CRIM1: variants seen among roughly 807,000 people sequenced by gnomAD.
The protein encoded by CRIM1 is cysteine-rich motor neuron 1 protein.
A neutral mutation model predicts 116.4 loss-of-function variants in CRIM1; 32 were observed. The observed-to-expected ratio is 0.27, with a 90% CI of 0.21 to 0.37. CRIM1 has a LOEUF of 0.37. CRIM1 is among the 10% of genes least tolerant of loss of function. CRIM1 has a pLI of 1.00. For synonymous variants in CRIM1, 590 were observed against 509.2 expected (o/e 1.16, Z -2.13); for missense variants, 1,331 against 1,354.8 (o/e 0.98, Z 0.28).
intron 4 of CRIM1, among the ~76,000 whole-genome samples, chr2:36,449,493 A>G (rs1481648685): frequency 1.3e-5 from 2 of 152,092 alleles, no homozygotes; most frequent in East Asian, 3.9e-4. Context: ...TCTGCACATC[A>G]CCTGGTGCTG....
intron 8 of CRIM1, among the ~76,000 whole-genome samples, chr2:36,506,271 T>C (rs1181290460): frequency 6.6e-6 from 1 of 151,752 alleles, no homozygotes; most frequent in Non-Finnish European, 1.5e-5. Flanking sequence ...ATCTTTGGGA[T>C]GTGAGAGTAC....
In CRIM1 at chr2:36,428,685, G is replaced by A. The variant is rs766437451; in HGVS notation, c.506-12573G>A. 3.9e-5 allele frequency among the ~76,000 whole-genome samples: 6 copies of A among 152,304 alleles called. No individual in the cohort carries two copies. In the South Asian group the frequency reaches 1.2e-3, roughly 32 times the overall value. The stretch of plus-strand genomic sequence containing the variant: ...ATCTTCTATCTTGTAACAAATAGAT[G>A]TAGAGCTTTGGTAAGAAGTACACAT... On this transcript the variant is annotated intron_variant, in intron 2 of 16. Coordinates refer to ENST00000280527, the MANE Select transcript of CRIM1 (RefSeq NM_016441.3).
chr2:36,357,471 G>A (rs1206019868), intron 1 of CRIM1, among the ~76,000 whole-genome samples: 1 of 151,986 alleles, frequency 6.6e-6, no homozygotes, highest in African/African-American at 2.4e-5. Context: ...ATTGACGGTG[G>A]GAGAAACAGA....
intron 2 of CRIM1, among the ~76,000 whole-genome samples, chr2:36,439,660 C>T (rs150294120): frequency 6.6e-6 from 1 of 152,244 alleles, no homozygotes; most frequent in East Asian, 1.9e-4. Context: ...CTCGTCCCCT[C>T]ACTCCTTCAA....
chr2:36,531,409 T>G lies in CRIM1; in HGVS notation c.2429-5943T>G, dbSNP rs562661459. Among the ~76,000 whole-genome samples, 19 of 151,974 alleles carry G rather than the reference T, an allele frequency of 1.3e-4. No individual in the cohort carries two copies. In the East Asian group the frequency reaches 2.3e-3, roughly 19 times the overall value. On this transcript the variant is annotated intron_variant, in intron 13 of 16. Transcript: ENST00000280527. ...TTTTTGGTTTTTGGTTTTTTGTTTTTTTTTTTTTCCAGAGGCTCATGTATA... is the reference window on the plus strand; with the variant it reads ...TTTTTGGTTTTTGGTTTTTTGTTTTGTTTTTTTTCCAGAGGCTCATGTATA...
At chr2:36,482,492 A>G (rs116251429) in intron 7 of CRIM1, among the ~76,000 whole-genome samples, 277 of 152,350 alleles carry the variant, frequency 1.8e-3, no homozygotes, top group Middle Eastern at 6.8e-3. Flanking sequence ...GGATCATTTG[A>G]AGACATTTTT....
chr2:36,471,598 T>A (rs185312584), intron 5 of CRIM1, among the ~76,000 whole-genome samples: 2 of 152,310 alleles, frequency 1.3e-5, no homozygotes, highest in Admixed American at 6.5e-5. Flanking sequence ...GACATAATGC[T>A]ATTGTATACT....
At chr2:36,468,046 G>A (rs1678187505) in intron 5 of CRIM1, among the ~76,000 whole-genome samples, 1 of 152,192 alleles carries the variant, frequency 6.6e-6, no homozygotes, top group African/African-American at 2.4e-5. Context: ...GATTGACACA[G>A]CTAGACCGTA....
chr2:36,528,120 A>T (rs1430395209), intron 13 of CRIM1, among the ~76,000 whole-genome samples: 1 of 152,238 alleles, frequency 6.6e-6, no homozygotes, highest in African/African-American at 2.4e-5. Flanking sequence ...GTGTATATTG[A>T]TTCAGTAGAA....
intron 4 of CRIM1, among the ~76,000 whole-genome samples, chr2:36,449,021 AT>A (rs1328307104): frequency 1.4e-5 from 2 of 143,522 alleles, no homozygotes; most frequent in East Asian, 2.0e-4. Flanking sequence ...CTTCAGAAGT[AT>A]TTTTTTGACT....
intron 7 of CRIM1, among the ~76,000 whole-genome samples, chr2:36,496,778 G>A (rs930996346): frequency 6.6e-6 from 1 of 152,190 alleles, no homozygotes; most frequent in African/African-American, 2.4e-5. Flanking sequence ...TGGCTTCTGT[G>A]ACTGATACGG....
rs113045844 is a variant in CRIM1, at chr2:36,393,063, G to A, written c.332-3551G>A. On this transcript the variant is annotated intron_variant, in intron 1 of 16. Coordinates refer to ENST00000280527, the MANE Select transcript of CRIM1 (RefSeq NM_016441.3). ...TTTTAGCTGTGATTCCAGATTTGAG[G>A]GAAATGGTCTTCCTGTGGGGAGGCA... Among the ~76,000 whole-genome samples, 1,287 of 152,326 alleles carry A rather than the reference G, an allele frequency of 8.4e-3. 15 individuals carry two copies. Among genetic ancestry groups the A allele is most frequent in the African/African-American group, 0.03 (1,232 of 41,566 alleles).
At chr2:36,530,036 T>A (rs1004320120) in intron 13 of CRIM1, among the ~76,000 whole-genome samples, 8 of 151,970 alleles carry the variant, frequency 5.3e-5, no homozygotes, top group African/African-American at 1.9e-4. Flanking sequence ...AAGATCAGAT[T>A]TTTTTTTATT....
intron 9 of CRIM1, among the ~76,000 whole-genome samples, 193 bp downstream of exon 9, chr2:36,510,332 C>G (rs1216548329): frequency 1.3e-5 from 2 of 152,092 alleles, no homozygotes; most frequent in African/African-American, 4.8e-5. Flanking sequence ...TCAAGTTTTA[C>G]TTTTACTTTT....
In CRIM1 at chr2:36,394,452, T is replaced by C. The variant is rs185141950; in HGVS notation, c.332-2162T>C. Among the ~76,000 whole-genome samples the C allele has an allele frequency of 2.3e-4, 34 of 147,980 alleles. No homozygotes were observed. In the East Asian group the frequency reaches 4.2e-3, roughly 18 times the overall value. On this transcript the variant is annotated intron_variant, in intron 1 of 16. Coordinates refer to ENST00000280527, the MANE Select transcript of CRIM1 (RefSeq NM_016441.3). Reference sequence around the variant, plus strand: ...TTATAACTGAAGACAAATATCACCTTCTTTTCTATGTTGAATTTTTTCAAT... The same window carrying C: ...TTATAACTGAAGACAAATATCACCTCCTTTTCTATGTTGAATTTTTTCAAT...
At chr2:36,360,829 G>A (rs1270734031) in intron 1 of CRIM1, among the ~76,000 whole-genome samples, 2 of 152,112 alleles carry the variant, frequency 1.3e-5, no homozygotes, top group African/African-American at 2.4e-5. Flanking sequence ...CGGGAGGGGG[G>A]CAAAATATCA....
intron 1 of CRIM1, among the ~76,000 whole-genome samples, chr2:36,365,056 A>T (rs959059522): frequency 6.6e-6 from 1 of 152,146 alleles, no homozygotes; most frequent in Admixed American, 6.5e-5. Context: ...GGGGGAATTC[A>T]AATGTCAGAT....
intron 1 of CRIM1, among the ~76,000 whole-genome samples, chr2:36,386,107 C>T (rs1258816010): frequency 6.6e-6 from 1 of 152,174 alleles, no homozygotes; most frequent in Non-Finnish European, 1.5e-5. Context: ...ACCTAGTCTT[C>T]TGGTTTACTC....
chr2:36,474,286 C>T (rs995010969), intron 5 of CRIM1, among the ~76,000 whole-genome samples: 4 of 151,964 alleles, frequency 2.6e-5, no homozygotes, highest in African/African-American at 4.8e-5. Flanking sequence ...TGTCTTTTTA[C>T]CTTTTTGATG....
Sources: allele counts gnomAD v4.1 joint callset (sites outside exome capture counted in the v4.1 genomes callset), GRCh38; gene constraint gnomAD v4.1.1; transcripts MANE v1.5; gene names NCBI Gene and HGNC (gene_info 2026-07-23, HGNC 2026-07-21).